Variants in LOC122539214 observed in about 807,000 individuals in gnomAD.
the LOC122539214 span, among the ~76,000 whole-genome samples, chr19:52,677,500 A>G: frequency 6.6e-6 from 1 of 151,854 alleles, no homozygotes; most frequent in Non-Finnish European, 1.5e-5. Context: ...AGAAAAAAAG[A>G]AAAAGAGATC....
chr19:52,658,087 G>T, the LOC122539214 span, among the ~76,000 whole-genome samples: 1 of 147,658 alleles, frequency 6.8e-6, no homozygotes, highest in Non-Finnish European at 1.5e-5. Context: ...AATGAGCCAA[G>T]TTCATGCCAT....
the LOC122539214 span, among the ~76,000 whole-genome samples, chr19:52,658,191 GA>G: frequency 7.3e-3 from 1,071 of 147,124 alleles, 14 homozygotes; most frequent in African/African-American, 0.026. Context: ...AAAGAATAAA[GA>G]AAAATGAAGG....
At chr19:52,678,874 C>CT in the LOC122539214 span, among the ~76,000 whole-genome samples, 1 of 151,606 alleles carries the variant, frequency 6.6e-6, no homozygotes, top group African/African-American at 2.4e-5. Context: ...ACTCAGGAGG[C>CT]TGAGGCAGGA....
the LOC122539214 span, among the ~76,000 whole-genome samples, chr19:52,656,864 C>CAAAAAAAA: frequency 7.3e-6 from 1 of 136,650 alleles, no homozygotes. Flanking sequence ...GACTCCGTCT[C>CAAAAAAAA]AAAAAAAAAA....
the LOC122539214 span, among the ~76,000 whole-genome samples, chr19:52,675,217 C>G: frequency 5.4e-4 from 83 of 152,300 alleles, no homozygotes; most frequent in Middle Eastern, 3.4e-3. Flanking sequence ...AACATTACTT[C>G]TCAAATAAGG....
the LOC122539214 span, among the ~76,000 whole-genome samples, chr19:52,666,286 G>A: frequency 6.6e-6 from 1 of 151,792 alleles, no homozygotes; most frequent in South Asian, 2.1e-4. Flanking sequence ...GAGAGAGAGA[G>A]TAGTAGTAGA....
the LOC122539214 span, among the ~76,000 whole-genome samples, chr19:52,688,029 TAGAC>T: frequency 1.3e-5 from 2 of 152,080 alleles, no homozygotes; most frequent in Admixed American, 1.3e-4. Context: ...ACATGTCTCA[TAGAC>T]AGGAATTTTA....
the LOC122539214 span, among the ~76,000 whole-genome samples, chr19:52,679,466 C>T: frequency 6.6e-6 from 1 of 152,032 alleles, no homozygotes; most frequent in Admixed American, 6.6e-5. Flanking sequence ...CAAAAACTGG[C>T]CAGGTATGGT....
At chr19:52,651,701 A>G in the LOC122539214 span, 1 of 151,194 alleles carries the variant, frequency 6.6e-6, no homozygotes, top group South Asian at 2.0e-4. Flanking sequence ...AAAAAAAAAA[A>G]AAGAAAGAAA....
chr19:52,670,317 T>C, the LOC122539214 span, among the ~76,000 whole-genome samples: 1 of 152,148 alleles, frequency 6.6e-6, no homozygotes. Context: ...AATTAGCCAA[T>C]TGGAATTAGA....
the LOC122539214 span, among the ~76,000 whole-genome samples, chr19:52,677,695 G>T: frequency 4.6e-5 from 3 of 65,638 alleles, no homozygotes; most frequent in Non-Finnish European, 8.2e-5. Flanking sequence ...GAGACCACAG[G>T]CGTGAAGAAT....
the LOC122539214 span, among the ~76,000 whole-genome samples, chr19:52,687,572 TA>T: frequency 0.011 from 415 of 36,094 alleles, 8 homozygotes; most frequent in African/African-American, 0.042. Flanking sequence ...TATATATATA[TA>T]AATTTTATAT....
chr19:52,681,303 C>CAAAAAAAAAAAAAAAAAAAAAAAAAAA, the LOC122539214 span, among the ~76,000 whole-genome samples: 11 of 78,288 alleles, frequency 1.4e-4, no homozygotes, highest in African/African-American at 3.2e-4. Context: ...AAAAAAAAAG[C>CAAAAAAAAAAAAAAAAAAAAAAAAAAA]AAACGAACAT....
At chr19:52,687,533 T>TTA in the LOC122539214 span, among the ~76,000 whole-genome samples, 3 of 36,890 alleles carry the variant, frequency 8.1e-5, 1 homozygote, top group Non-Finnish European at 1.8e-4. Flanking sequence ...TATATATAAA[T>TTA]TATATATATA....
the LOC122539214 span, among the ~76,000 whole-genome samples, chr19:52,679,488 A>AT: frequency 2.6e-4 from 39 of 152,248 alleles, no homozygotes; most frequent in East Asian, 7.4e-3. Context: ...GAGCATGCTT[A>AT]TAAGCCCTGC....
At chr19:52,672,282 T>C in the LOC122539214 span, among the ~76,000 whole-genome samples, 1 of 152,216 alleles carries the variant, frequency 6.6e-6, no homozygotes, top group African/African-American at 2.4e-5. Context: ...ACCTCATTTC[T>C]GCATGTAATA....
At chr19:52,654,286 A>G in the LOC122539214 span, 1 of 1,545,366 alleles carries the variant, frequency 6.5e-7, no homozygotes, top group Non-Finnish European at 8.9e-7. Flanking sequence ...GATTTCTGGG[A>G]AGCAAAAATC....
At chr19:52,653,019 G>T in the LOC122539214 span, 9 of 1,437,890 alleles carry the variant, frequency 6.3e-6, no homozygotes, top group East Asian at 2.1e-4. Flanking sequence ...GTTGTGCAAG[G>T]TTTGACTGTT....
chr19:52,684,037 TA>T, the LOC122539214 span, among the ~76,000 whole-genome samples: 4 of 152,004 alleles, frequency 2.6e-5, no homozygotes, highest in African/African-American at 7.2e-5. Context: ...AGTTTGAGAT[TA>T]GCCATGCCAA....
Sources: allele counts gnomAD v4.1 joint callset (sites outside exome capture counted in the v4.1 genomes callset), GRCh38; gene constraint gnomAD v4.1.1; transcripts MANE v1.5.